MYH3: variants seen among roughly 807,000 people sequenced by gnomAD.
The protein encoded by MYH3 is myosin-3.
MYH3 carries 130 observed loss-of-function variants against 238.0 expected under a neutral mutation model. That is an observed-to-expected ratio of 0.55 (90% CI 0.47 to 0.63). The LOEUF (loss-of-function observed/expected upper bound fraction) is 0.63, where lower values mean the gene tolerates loss of function less well. MYH3 is among the 30% of genes least tolerant of loss of function. The pLI, the probability that MYH3 is intolerant of heterozygous loss-of-function variation, is 0.00. For synonymous variants in MYH3, 880 were observed against 924.1 expected, an observed-to-expected ratio of 0.95 and a Z score of 0.86; for missense variants, 1,853 against 2,374.9, an observed-to-expected ratio of 0.78 and a Z score of 4.57.
At chr17:10,651,761 T>C (rs76406355) in intron 4 of MYH3, 93 bp from the exon 5 acceptor site, 1 of 1,465,464 alleles carries the variant, frequency 6.8e-7, no homozygotes, top group East Asian at 2.5e-5. Context: ...TTTTTTTTTT[T>C]TGAGACGGAG....
intron 38 of MYH3, 26 bp downstream of exon 38, chr17:10,630,066 G>T (rs184126464): frequency 6.2e-7 from 1 of 1,609,372 alleles, no homozygotes; most frequent in South Asian, 1.1e-5. Context: ...CAGAGGACAC[G>T]ATCATGGCGT....
chr17:10,657,164 A>G (rs1287617173), intron 1 of MYH3, 125 bp downstream of exon 1: 2 of 152,228 alleles, frequency 1.3e-5, no homozygotes, highest in Non-Finnish European at 2.9e-5. Context: ...AAAACTCAGA[A>G]AGGCATGAGG....
chr17:10,671,572 A>ATTTTTTTTTTTTTTTTTTTTTTTTT, the MYH3 span, among the ~76,000 whole-genome samples: 1 of 82,308 alleles, frequency 1.2e-5, no homozygotes, highest in African/African-American at 5.0e-5. Context: ...TCTCAGGGTC[A>ATTTTTTTTTTTTTTTTTTTTTTTTT]TTTTTTTTTT....
At chr17:10,672,190 C>A in the MYH3 span, among the ~76,000 whole-genome samples, 3 of 152,284 alleles carry the variant, frequency 2.0e-5, no homozygotes, top group Admixed American at 2.0e-4. Context: ...TAACTTGTTT[C>A]ATTTCATTAA....
chr17:10,631,929 G>A lies in MYH3; in HGVS notation c.5044C>T (p.Leu1682=). Residue 1682 remains leucine (L), a synonymous_variant, in exon 35 of 41, where the codon CTG becomes TTG. Transcript: ENST00000583535. ...CGCAGCTCCTCCACCTCGGCCTGCA[G>A]CAGGTTGGCTCTGCGCTCCACAATC... is the stretch of plus-strand genomic sequence containing the variant. The part of the protein sequence containing the change: ...LAIVERRANL[L]QAEVEELRAT... 6.2e-7 allele frequency: 1 copy of A among 1,614,126 alleles called. No individual in the cohort carries two copies.
At chr17:10,648,410 G>A in intron 8 of MYH3, 147 bp downstream of exon 8, 2 of 773,950 alleles carry the variant, frequency 2.6e-6, no homozygotes, top group Non-Finnish European at 4.6e-6. Flanking sequence ...AACTTGGTCT[G>A]AATTTATCTT....
chr17:10,630,051 C>T (rs779938045), intron 38 of MYH3, 41 bp downstream of exon 38: 5 of 1,606,934 alleles, frequency 3.1e-6, no homozygotes, highest in East Asian at 2.2e-5. Context: ...AGAATCTGCA[C>T]GTCACAGAGG....
the MYH3 span, among the ~76,000 whole-genome samples, chr17:10,665,533 A>G: frequency 4.6e-5 from 7 of 152,322 alleles, no homozygotes; most frequent in African/African-American, 1.7e-4. Context: ...CTGTTTGTAT[A>G]ATCAATTGGT....
At chr17:10,632,417 C>A in intron 34 of MYH3, 59 bp downstream of exon 34, 1 of 1,575,960 alleles carries the variant, frequency 6.3e-7, no homozygotes. Context: ...CTGTGCCCAG[C>A]CTACATTTCT....
At chr17:10,650,203 C>T (rs2074361738) in intron 6 of MYH3, among the ~76,000 whole-genome samples, 171 bp downstream of exon 6, 1 of 152,076 alleles carries the variant, frequency 6.6e-6, no homozygotes, top group South Asian at 2.1e-4. Context: ...TCTCGATCTC[C>T]TGGACCTCGT....
At chr17:10,655,808 C>T (rs1249726395) in intron 2 of MYH3, among the ~76,000 whole-genome samples, 2 of 152,166 alleles carry the variant, frequency 1.3e-5, no homozygotes, top group Non-Finnish European at 2.9e-5. Context: ...CTTGCCACCA[C>T]GTCCTGCTAA....
intron 37 of MYH3, 21 bp downstream of exon 37, chr17:10,630,267 C>A: frequency 6.4e-7 from 1 of 1,554,332 alleles, no homozygotes; most frequent in Non-Finnish European, 8.8e-7. Context: ...TCAGCGCAGG[C>A]GGGGTTCCTC....
chr17:10,661,057 AC>A (rs1165520849), upstream of MYH3, among the ~76,000 whole-genome samples: 28 of 150,384 alleles, frequency 1.9e-4, 1 homozygote, highest in Non-Finnish European at 3.0e-5. Flanking sequence ...GCTCACCGCA[AC>A]CTCCACCTCC....
At chr17:10,628,977 C>G (rs2142375169) in intron 40 of MYH3, among the ~76,000 whole-genome samples, 1 of 152,238 alleles carries the variant, frequency 6.6e-6, no homozygotes, top group African/African-American at 2.4e-5. Flanking sequence ...GCAGGGGGCG[C>G]ATGAAAGAGC....
intron 17 of MYH3, 122 bp from the exon 18 acceptor site, chr17:10,641,494 T>TGATTTAAC (rs1231454286): frequency 7.1e-6 from 5 of 708,854 alleles, no homozygotes; most frequent in Admixed American, 5.4e-5. Flanking sequence ...TATAGTGAAA[T>TGATTTAAC]GATTTAACTC....
In MYH3 at chr17:10,648,667, G is replaced by C; in HGVS notation, c.643-18C>G. On this transcript the variant is annotated intron_variant, in intron 7 of 40. Coordinates refer to ENST00000583535, the MANE Select transcript of MYH3 (RefSeq NM_002470.4). The stretch of plus-strand genomic sequence containing the variant: ...AGAGTCCCCTAATGCAAGAAATTGA[G>C]GGAAGAAGAGGAAACATTTTTTTTT... The C allele has an allele frequency of 6.3e-7, 1 of 1,584,930 alleles. No homozygotes were observed. Among genetic ancestry groups the C allele is most frequent in the Non-Finnish European group, 8.6e-7 (1 of 1,160,870 alleles).
chr17:10,634,945 C>T lies in MYH3; in HGVS notation c.4251G>A (p.Lys1417=), dbSNP rs753645287. ...AVNAKCASLE[K]TKQRLQGEVE... ...CCTCTCCTTGCAGCCTCTGCTTGGT[C>T]TTCTCCAGTGAAGCACATTTAGCAT... Residue 1417 remains lysine (K), a synonymous_variant, in exon 31 of 41, where the codon AAG becomes AAA. Coordinates refer to ENST00000583535, the MANE Select transcript of MYH3 (RefSeq NM_002470.4). 35 of 1,614,040 alleles carry T rather than the reference C, an allele frequency of 2.2e-5. No homozygotes were observed. Among genetic ancestry groups the T allele is most frequent in the Non-Finnish European group, 2.8e-5 (33 of 1,180,042 alleles).
upstream of MYH3, among the ~76,000 whole-genome samples, chr17:10,660,851 G>A (rs895883935): frequency 1.3e-5 from 2 of 151,980 alleles, no homozygotes; most frequent in Non-Finnish European, 2.9e-5. Context: ...TGAGTGTGGT[G>A]GTGGGTGCCT....
In MYH3 at chr17:10,654,347, G is replaced by A. The variant is rs1471594831; in HGVS notation, c.204+514C>T. On this transcript the variant is annotated intron_variant, in intron 3 of 40. Coordinates refer to ENST00000583535, the MANE Select transcript of MYH3 (RefSeq NM_002470.4). This position sits in a 1 kb window ranked among gnomAD's most constrained non-coding sequence, Gnocchi z 4.5. Reference sequence around the variant, plus strand: ...CAGAATTCCTCGCAGCACCCCCACAGTGGCTTGGGCCAGAATGTAATGGGC... The same window carrying A: ...CAGAATTCCTCGCAGCACCCCCACAATGGCTTGGGCCAGAATGTAATGGGC... Among the ~76,000 whole-genome samples, 2 of 152,180 alleles carry A rather than the reference G, an allele frequency of 1.3e-5. No homozygotes were observed. Among genetic ancestry groups the A allele is most frequent in the East Asian group, 3.9e-4 (2 of 5,184 alleles).
Sources: gnomAD v4.1 joint callset for allele counts (sites outside exome capture counted in the v4.1 genomes callset) on GRCh38, gnomAD v4.1.1 for gene constraint, Gnocchi (gnomAD v3.1) non-coding constraint, MANE v1.5 for transcripts, NCBI Gene and HGNC (gene_info 2026-07-23, HGNC 2026-07-21) for gene names.